Variants in SPPL2B observed in about 807,000 individuals in gnomAD.
SPPL2B encodes signal peptide peptidase-like 2B.
Under a neutral mutation model 59.7 loss-of-function variants are expected in SPPL2B, and 39 were observed. The ratio of observed to expected loss-of-function variants is 0.65; its 90% CI spans 0.51 to 0.85. The LOEUF (loss-of-function observed/expected upper bound fraction) is 0.85, where lower values mean the gene tolerates loss of function less well. SPPL2B is among the 40% of genes least tolerant of loss of function. SPPL2B has a pLI of 0.00. For synonymous variants in SPPL2B, 419 were observed against 370.8 expected, an observed-to-expected ratio of 1.13 and a Z score of -1.49; for missense variants, 865 against 849.0, an observed-to-expected ratio of 1.02 and a Z score of -0.23.
chr19:2,341,390 G>A (rs1244047838), intron 8 of SPPL2B: 1 of 473,896 alleles, frequency 2.1e-6, no homozygotes, highest in Non-Finnish European at 4.2e-6. Context: ...CCCAGGGTGT[G>A]GGCACCAGGG....
rs10413189 is a variant in SPPL2B at position 2,334,539 on chromosome 19, C to T, written c.67-63C>T. 0.013 allele frequency: 20,411 copies of T among 1,544,760 alleles called. 2,246 individuals are homozygous for T. The African/African-American group carries it at 0.24, about 18-fold the overall frequency. On this transcript the variant is annotated intron_variant, in intron 1 of 14. Coordinates refer to ENST00000613503, the MANE Select transcript of SPPL2B (RefSeq NM_152988.3). ...TCCTCCCCTCCTCGGGCCTGTTTCT[C>T]GTGGGGCGGTGCAGCCCCGCACGTC... is the stretch of plus-strand genomic sequence containing the variant.
intron 2 of SPPL2B, among the ~76,000 whole-genome samples, chr19:2,336,769 G>A (rs983554112): frequency 1.3e-5 from 2 of 151,128 alleles, no homozygotes; most frequent in Non-Finnish European, 2.9e-5. Context: ...ACGTGTGTGT[G>A]CATGCACTCC....
intron 7 of SPPL2B, 137 bp downstream of exon 7, chr19:2,340,309 C>G: frequency 1.4e-6 from 1 of 719,830 alleles, no homozygotes; most frequent in Non-Finnish European, 2.2e-6. Flanking sequence ...TGGCCTGGGG[C>G]TCCTAGGCCC....
At chr19:2,344,678 G>T (rs1969268389) in intron 12 of SPPL2B, 26 bp downstream of exon 12, 3 of 1,464,674 alleles carry the variant, frequency 2.0e-6, no homozygotes, top group Non-Finnish European at 2.9e-6. Flanking sequence ...GAGCACACGG[G>T]TCCACGCTGT....
chr19:2,347,753 TTC>T lies in SPPL2B; in HGVS notation c.1354+2430_1354+2431del, dbSNP rs748227218. ...ACGCGCTCTCATTCGCCTGATTCCG[TTC>T]TCTCTCCACACACACACACTCTCAT... On this transcript the variant is annotated intron_variant, in intron 13 of 14. Transcript: ENST00000613503. Among the ~76,000 whole-genome samples, 127 of 32,224 alleles carry T rather than the reference TTC, an allele frequency of 3.9e-3. 36 individuals are homozygous for T. The highest frequency in any genetic ancestry group is 4.7e-3 in the Non-Finnish European group (81 of 17,358). 21.1% of individuals were successfully genotyped at this position (32,224 alleles called of 152,430 possible).
chr19:2,336,585 C>A (rs1231988939), intron 2 of SPPL2B, among the ~76,000 whole-genome samples: 1 of 150,558 alleles, frequency 6.6e-6, no homozygotes, highest in Non-Finnish European at 1.5e-5. Flanking sequence ...AGCTTGAGTG[C>A]ACAGGTATGT....
chr19:2,338,419 GCGGCTT>G, intron 3 of SPPL2B: 1 of 209,556 alleles, frequency 4.8e-6, no homozygotes, highest in Non-Finnish European at 9.6e-6. Context: ...GGGGCTCAAG[GCGGCTT>G]AGTGGGCAGG....
chr19:2,354,638 TG>T lies in SPPL2B; in HGVS notation c.*1430del, dbSNP rs1970090024. The T allele has an allele frequency of 6.6e-6, 1 of 152,256 alleles. No individual in the cohort carries two copies. The highest frequency in any genetic ancestry group is 2.4e-5 in the African/African-American group (1 of 41,446). The allele number at this position is 152,256 out of a possible 1,614,324, so 9.4% of individuals were successfully genotyped here. ...TCCCAGGGAGTAATGGCGCCTTCAC[TG>T]AAGCCATTTTGTACATGGGGACGGG... On this transcript the variant is annotated 3_prime_UTR_variant, in exon 15 of 15. Coordinates refer to ENST00000613503, the MANE Select transcript of SPPL2B (RefSeq NM_152988.3).
At chr19:2,337,352 C>T in intron 2 of SPPL2B, 91 bp from the exon 3 acceptor site, 2 of 1,280,228 alleles carry the variant, frequency 1.6e-6, no homozygotes, top group South Asian at 1.4e-5. Flanking sequence ...TGGGATCTAA[C>T]TCAGCGCAGG....
At chr19:2,331,849 G>A (rs142735428) in intron 1 of SPPL2B, among the ~76,000 whole-genome samples, 17 of 152,334 alleles carry the variant, frequency 1.1e-4, no homozygotes, top group East Asian at 5.8e-4. Context: ...TTCCAGAGCC[G>A]GAGACCCTTC....
chr19:2,329,524 A>G (rs1489827153), intron 1 of SPPL2B, among the ~76,000 whole-genome samples: 1 of 151,946 alleles, frequency 6.6e-6, no homozygotes, highest in African/African-American at 2.4e-5. Flanking sequence ...TTATTTTCTT[A>G]ATTCCAAATC....
chr19:2,340,480 C>A, intron 7 of SPPL2B: 1 of 610,830 alleles, frequency 1.6e-6, no homozygotes, highest in Non-Finnish European at 3.0e-6. Flanking sequence ...AGAAGGTTCC[C>A]CACAGCCCAG....
Position 2,334,519 on chromosome 19 carries a change from C to T in SPPL2B, c.67-83C>T, listed in dbSNP as rs1408442689. The T allele has an allele frequency of 5.3e-6, 8 of 1,504,598 alleles. No individual in the cohort carries two copies. In the East Asian group the frequency reaches 1.8e-4, roughly 33 times the overall value. The allele number at this position is 1,504,598 out of a possible 1,614,324, so 93.2% of individuals were successfully genotyped here. On this transcript the variant is annotated intron_variant, in intron 1 of 14. Coordinates refer to ENST00000613503, the MANE Select transcript of SPPL2B (RefSeq NM_152988.3). Reference sequence around the variant, plus strand: ...GGGCGCCCTTCCTGGAGGCGTCCTCCCCTCCTCGGGCCTGTTTCTCGTGGG... The same window carrying T: ...GGGCGCCCTTCCTGGAGGCGTCCTCTCCTCCTCGGGCCTGTTTCTCGTGGG...
At chr19:2,341,056 C>A in intron 8 of SPPL2B, 42 bp downstream of exon 8, 1 of 1,413,802 alleles carries the variant, frequency 7.1e-7, no homozygotes, top group Non-Finnish European at 9.9e-7. Context: ...CAGCGGAGTC[C>A]TCGGGTGCAC....
At position 2,353,408 on chromosome 19, in the gene SPPL2B, C is replaced by A; in HGVS notation, c.*199C>A. ...GCCCAGCCCAGCTGCCCCGGCTGCACGCCTGCTGCTCCCAGCTCGCCCGGC... is the reference window on the plus strand; with the variant it reads ...GCCCAGCCCAGCTGCCCCGGCTGCAAGCCTGCTGCTCCCAGCTCGCCCGGC... On this transcript the variant is annotated 3_prime_UTR_variant, in exon 15 of 15. Coordinates refer to ENST00000613503, the MANE Select transcript of SPPL2B (RefSeq NM_152988.3). 5 of 641,672 alleles carry A rather than the reference C, an allele frequency of 7.8e-6. No homozygotes were observed. Among genetic ancestry groups the A allele is most frequent in the South Asian group, 2.0e-5 (1 of 49,720 alleles). 39.7% of individuals were successfully genotyped at this position (641,672 alleles called of 1,614,324 possible).
chr19:2,351,730 T>G, intron 14 of SPPL2B, 136 bp downstream of exon 14: 1 of 1,168,412 alleles, frequency 8.6e-7, no homozygotes, highest in Non-Finnish European at 1.2e-6. Context: ...CCTTCTGCTT[T>G]GGGTGTCATG....
chr19:2,350,113 T>TCA (rs1264971096), intron 13 of SPPL2B, among the ~76,000 whole-genome samples: 73 of 111,036 alleles, frequency 6.6e-4, no homozygotes, highest in African/African-American at 2.2e-3. Flanking sequence ...CCACACACAC[T>TCA]CGCGCTCTCA....
chr19:2,354,752 G>C lies in SPPL2B; in HGVS notation c.*1543G>C, dbSNP rs762219485. 3 of 152,364 alleles carry C rather than the reference G, an allele frequency of 2.0e-5. No individual in the cohort carries two copies. The highest frequency in any genetic ancestry group is 7.2e-5 in the African/African-American group (3 of 41,468). 9.4% of individuals were successfully genotyped at this position (152,364 alleles called of 1,614,324 possible). A position where few individuals can be genotyped will look rare whatever the true frequency, so the allele number is the denominator to read the frequency against. On this transcript the variant is annotated 3_prime_UTR_variant, in exon 15 of 15. Coordinates refer to ENST00000613503, the MANE Select transcript of SPPL2B (RefSeq NM_152988.3). ...GTCCTGTCCTTGGCTCCGTCTGTCC[G>C]TGTGGCCTTGCTGCCATTCCGTCTG...
In SPPL2B at chr19:2,354,606, A is replaced by T. The variant is rs1054083960; in HGVS notation, c.*1397A>T. 10 of 152,234 alleles carry T rather than the reference A, an allele frequency of 6.6e-5. No individual in the cohort carries two copies. Among genetic ancestry groups the T allele is most frequent in the African/African-American group, 1.9e-4 (8 of 41,434 alleles). The allele number at this position is 152,234 out of a possible 1,614,324, so 9.4% of individuals were successfully genotyped here. ...TGAGCCCTGATCCCTTACAAAAAATACCAGCTTCCCAGGGAGTAATGGCGC... is the reference window on the plus strand; with the variant it reads ...TGAGCCCTGATCCCTTACAAAAAATTCCAGCTTCCCAGGGAGTAATGGCGC... On this transcript the variant is annotated 3_prime_UTR_variant, in exon 15 of 15. Transcript: ENST00000613503.
Sources: gnomAD v4.1 joint callset for allele counts (sites outside exome capture counted in the v4.1 genomes callset) on GRCh38, gnomAD v4.1.1 for gene constraint, MANE v1.5 for transcripts, NCBI Gene and HGNC (gene_info 2026-07-23, HGNC 2026-07-21) for gene names.